TANC2: variants seen among roughly 807,000 people sequenced by gnomAD.
The protein encoded by TANC2 is tetratricopeptide repeat, ankyrin repeat and coiled-coil containing 2.
A neutral mutation model predicts 210.5 loss-of-function variants in TANC2; 26 were observed. That is an observed-to-expected ratio of 0.12 (90% CI 0.09 to 0.17). TANC2 has a LOEUF of 0.17. Among genes scored for constraint, TANC2 ranks in the 10% least tolerant of loss-of-function variants. The pLI, the probability that TANC2 is intolerant of heterozygous loss-of-function variation, is 1.00. For missense variants in TANC2, 2,129 were observed against 2,608.9 expected, an observed-to-expected ratio of 0.82 and a Z score of 4.01; for synonymous variants, 931 against 967.1, an observed-to-expected ratio of 0.96 and a Z score of 0.69.
At chr17:63,021,517 C>T (rs549567269) in intron 2 of TANC2, among the ~76,000 whole-genome samples, 12 of 152,332 alleles carry the variant, frequency 7.9e-5, no homozygotes, top group South Asian at 4.1e-4. Context: ...TGAAGCATCA[C>T]GAGGCCCTCA....
intron 3 of TANC2, among the ~76,000 whole-genome samples, chr17:63,098,265 T>C (rs2037463759): frequency 6.6e-6 from 1 of 152,018 alleles, no homozygotes; most frequent in Non-Finnish European, 1.5e-5. Context: ...AATGCAAAAC[T>C]GTCTTAATTT....
intron 8 of TANC2, among the ~76,000 whole-genome samples, chr17:63,259,625 T>C (rs1376782089): frequency 6.6e-6 from 1 of 152,202 alleles, no homozygotes; most frequent in South Asian, 2.1e-4. Flanking sequence ...CATTCTCTTT[T>C]AATTAAAACA....
At chr17:63,161,204 T>TA (rs2040013385) in intron 5 of TANC2, among the ~76,000 whole-genome samples, 1 of 151,906 alleles carries the variant, frequency 6.6e-6, no homozygotes, top group African/African-American at 2.4e-5. Context: ...CTACTAAAAA[T>TA]ACAAAAAAAT....
chr17:63,092,114 A>C lies in TANC2; in HGVS notation c.140-7061A>C, dbSNP rs140163227. Among the ~76,000 whole-genome samples, 21 of 152,290 alleles carry C rather than the reference A, an allele frequency of 1.4e-4. No individual in the cohort carries two copies. In the East Asian group the frequency reaches 3.7e-3, roughly 27 times the overall value. ...TGCTGAGTAAGATTCTGTTGCATGTATATGTCACAATTTGTTCATTCATCA... is the reference window on the plus strand; with the variant it reads ...TGCTGAGTAAGATTCTGTTGCATGTCTATGTCACAATTTGTTCATTCATCA... On this transcript the variant is annotated intron_variant, in intron 3 of 27. Coordinates refer to ENST00000689528, the Ensembl canonical transcript of TANC2.
intron 11 of TANC2, among the ~76,000 whole-genome samples, chr17:63,339,864 A>G (rs899376303): frequency 6.6e-6 from 1 of 152,206 alleles, no homozygotes; most frequent in African/African-American, 2.4e-5. Flanking sequence ...ATTCTGGGTT[A>G]TGATATCATA....
intron 7 of TANC2, among the ~76,000 whole-genome samples, 182 bp downstream of exon 7, chr17:63,201,139 C>T (rs1260406530): frequency 6.6e-6 from 1 of 151,966 alleles, no homozygotes; most frequent in Non-Finnish European, 1.5e-5. Flanking sequence ...AAAGGTATTC[C>T]TCCCTACTTA....
intron 14 of TANC2, among the ~76,000 whole-genome samples, chr17:63,359,476 T>A (rs1045678648): frequency 6.6e-5 from 10 of 152,142 alleles, no homozygotes; most frequent in South Asian, 2.1e-4. Context: ...CCCAAGTAGC[T>A]GGGATATTAC....
At chr17:62,981,488 C>T (rs2032297696) in intron 1 of TANC2, among the ~76,000 whole-genome samples, 1 of 152,150 alleles carries the variant, frequency 6.6e-6, no homozygotes, top group Admixed American at 6.5e-5. Context: ...TCACATTATT[C>T]TCCTTCTTTC....
intron 9 of TANC2, among the ~76,000 whole-genome samples, chr17:63,296,643 A>G (rs547457362): frequency 3.3e-5 from 5 of 152,364 alleles, no homozygotes; most frequent in East Asian, 3.9e-4. Context: ...AATAGGGTCA[A>G]AGAGCTAAAG....
At chr17:63,208,101 C>T (rs1194756893) in intron 7 of TANC2, among the ~76,000 whole-genome samples, 2 of 151,978 alleles carry the variant, frequency 1.3e-5, no homozygotes, top group African/African-American at 2.4e-5. Flanking sequence ...TGAAGGAAAT[C>T]TTTATTTTTT....
intron 7 of TANC2, among the ~76,000 whole-genome samples, chr17:63,203,504 G>C (rs531048271): frequency 2.6e-5 from 4 of 152,104 alleles, no homozygotes; most frequent in Non-Finnish European, 5.9e-5. Flanking sequence ...TTATAGACCT[G>C]TGTCATCTGA....
chr17:63,379,978 T>C (rs2047552966), intron 15 of TANC2, among the ~76,000 whole-genome samples, 152 bp downstream of exon 15: 1 of 152,216 alleles, frequency 6.6e-6, no homozygotes, highest in Admixed American at 6.5e-5. Flanking sequence ...TGTTCCTCCC[T>C]AGGCCTTTAG....
At chr17:63,258,192 C>T (rs568368738) in intron 8 of TANC2, among the ~76,000 whole-genome samples, 1 of 152,170 alleles carries the variant, frequency 6.6e-6, no homozygotes, top group East Asian at 1.9e-4. Context: ...CTTTACTGGC[C>T]TGTAAGGTTT....
chr17:63,366,918 T>G (rs965374998), intron 14 of TANC2, among the ~76,000 whole-genome samples: 1 of 152,208 alleles, frequency 6.6e-6, no homozygotes, highest in Non-Finnish European at 1.5e-5. Context: ...TTGCTGAGAA[T>G]GGATAGCCAC....
intron 4 of TANC2, among the ~76,000 whole-genome samples, chr17:63,118,899 C>A (rs1214518132): frequency 6.6e-6 from 1 of 151,670 alleles, no homozygotes; most frequent in Non-Finnish European, 1.5e-5. Context: ...ACTCCTGCCT[C>A]AGCCTCCTGA....
chr17:63,271,610 C>T (rs542561029), intron 9 of TANC2, among the ~76,000 whole-genome samples: 57 of 151,060 alleles, frequency 3.8e-4, no homozygotes, highest in African/African-American at 1.3e-3. Flanking sequence ...CCACCCTTGC[C>T]CCCCCCATCC....
chr17:63,198,772 G>T (rs772995295), intron 6 of TANC2, among the ~76,000 whole-genome samples: 2 of 149,514 alleles, frequency 1.3e-5, no homozygotes, highest in Non-Finnish European at 3.0e-5. Flanking sequence ...AGGGAAAAAA[G>T]ATTTTAAGGT....
chr17:63,395,689 G>C, intron 17 of TANC2, 54 bp from the exon 18 acceptor site: 1 of 1,532,356 alleles, frequency 6.5e-7, no homozygotes, highest in Non-Finnish European at 8.9e-7. Flanking sequence ...TGACTAGATT[G>C]CGAGCTCAGC....
At chr17:63,354,134 A>G (rs1266551488) in intron 13 of TANC2, among the ~76,000 whole-genome samples, 5 of 152,096 alleles carry the variant, frequency 3.3e-5, no homozygotes, top group Non-Finnish European at 7.4e-5. Flanking sequence ...GTGGGTAGGT[A>G]AGAAAGGATG....
Sources: gnomAD v4.1 joint callset for allele counts (sites outside exome capture counted in the v4.1 genomes callset) on GRCh38, gnomAD v4.1.1 for gene constraint, MANE v1.5 for transcripts, NCBI Gene and HGNC (gene_info 2026-07-23, HGNC 2026-07-21) for gene names.